Variants in AP3D1 observed in about 807,000 individuals in gnomAD.
AP3D1 encodes AP-3 complex subunit delta-1.
AP3D1 carries 51 observed loss-of-function variants against 147.6 expected under a neutral mutation model. The observed-to-expected ratio is 0.35, with a 90% confidence interval of 0.28 to 0.44. The LOEUF is 0.44. Among genes scored for constraint, AP3D1 ranks in the 20% least tolerant of loss-of-function variants. The pLI is 1.00. For synonymous variants in AP3D1, 760 were observed against 663.0 expected (o/e 1.15, Z -2.25); for missense variants, 1,421 against 1,624.2 (o/e 0.87, Z 2.15).
At chr19:2,145,670 G>T (rs557890997) in intron 1 of AP3D1, among the ~76,000 whole-genome samples, 1 of 152,182 alleles carries the variant, frequency 6.6e-6, no homozygotes, top group East Asian at 1.9e-4. Context: ...ACGCAAGTGA[G>T]CATCACCCAG....
In AP3D1 at chr19:2,150,616, G is replaced by T. The variant is rs560708755; in HGVS notation, c.96+623C>A. 8.5e-5 allele frequency among the ~76,000 whole-genome samples: 13 copies of T among 152,266 alleles called. No homozygotes were observed. In the East Asian group the frequency reaches 1.4e-3, roughly 16 times the overall value. On this transcript the variant is annotated intron_variant, in intron 1 of 31. Transcript: ENST00000643116. ...CAGCCCCACCTTCCTGGGAACGGGG[G>T]CACTGGAGGCAACGCCCCAAGACCC...
intron 1 of AP3D1, among the ~76,000 whole-genome samples, chr19:2,140,962 T>C (rs2019205076): frequency 6.6e-6 from 1 of 151,976 alleles, no homozygotes; most frequent in South Asian, 2.1e-4. Flanking sequence ...TTTCGCCACG[T>C]TGGCCAGGCT....
rs1459968813 is a variant in AP3D1 at position 2,129,121 on chromosome 19, G to A, written c.775C>T (p.Leu259=). Residue 259 remains leucine, a synonymous_variant, in exon 8 of 32, where the codon CTG becomes TTG. Coordinates refer to ENST00000643116, the MANE Select transcript of AP3D1 (RefSeq NM_001261826.3). ...ATGAGATTGGTGAGGGGCTCGATCAGCTTCTTGCCCAGCCGCGGTTCCAAA... is the reference window on the plus strand; with the variant it reads ...ATGAGATTGGTGAGGGGCTCGATCAACTTCTTGCCCAGCCGCGGTTCCAAA... ...TPLEPRLGKK[L]IEPLTNLIHS... The A allele has an allele frequency of 6.3e-7, 1 of 1,596,006 alleles. No individual in the cohort carries two copies. The highest frequency in any genetic ancestry group is 8.5e-7 in the Non-Finnish European group (1 of 1,172,472).
At chr19:2,129,938 C>T (rs1014797409) in intron 6 of AP3D1, among the ~76,000 whole-genome samples, 13 of 152,192 alleles carry the variant, frequency 8.5e-5, no homozygotes, top group African/African-American at 2.2e-4. Flanking sequence ...TGGGGTCCAC[C>T]GACCCACGCC....
chr19:2,138,502 G>A lies in AP3D1; in HGVS notation c.192+117C>T, dbSNP rs79557571. On this transcript the variant is annotated intron_variant, in intron 2 of 31. Coordinates refer to ENST00000643116, the MANE Select transcript of AP3D1 (RefSeq NM_001261826.3). ...CTGGGTTGGCCCTGAGTGGCTCACC[G>A]ACAGCAGGTGGTACCAATGACTGAC... 0.049 allele frequency: 39,996 copies of A among 817,830 alleles called. 1,383 individuals carry two copies. The highest frequency in any genetic ancestry group is 0.13 in the East Asian group (5,116 of 39,950). The allele number at this position is 817,830 out of a possible 1,614,324, so 50.7% of individuals were successfully genotyped here.
At chr19:2,103,980 G>C (rs1442071925) in intron 31 of AP3D1, among the ~76,000 whole-genome samples, 1 of 151,486 alleles carries the variant, frequency 6.6e-6, no homozygotes, top group East Asian at 1.9e-4. Flanking sequence ...CAAACACCAA[G>C]ACACTAACAC....
At chr19:2,115,051 G>C (rs906055904) in intron 20 of AP3D1, among the ~76,000 whole-genome samples, 168 bp downstream of exon 20, 3 of 152,178 alleles carry the variant, frequency 2.0e-5, no homozygotes, top group African/African-American at 7.2e-5. Context: ...GCGGTGCGTC[G>C]GGACGCGTGC....
chr19:2,122,494 G>A (rs1177347153), intron 11 of AP3D1, among the ~76,000 whole-genome samples: 1 of 152,242 alleles, frequency 6.6e-6, no homozygotes, highest in Non-Finnish European at 1.5e-5. Flanking sequence ...TACCCGTGGG[G>A]GATGGGCCCA....
intron 1 of AP3D1, among the ~76,000 whole-genome samples, chr19:2,149,581 C>T (rs1291256993): frequency 6.6e-6 from 1 of 151,966 alleles, no homozygotes; most frequent in African/African-American, 2.4e-5. Context: ...CCAAGACCCC[C>T]TTGAAGGGGC....
chr19:2,110,523 C>T (rs1022081994), intron 27 of AP3D1, among the ~76,000 whole-genome samples, 184 bp downstream of exon 27: 1 of 152,104 alleles, frequency 6.6e-6, no homozygotes. Flanking sequence ...CAGGTCCATC[C>T]GAGGCCATTG....
In AP3D1 at chr19:2,117,133, C is replaced by G. The variant is rs73512355; in HGVS notation, c.1859+89G>C. On this transcript the variant is annotated intron_variant, in intron 16 of 31. Coordinates refer to ENST00000643116, the MANE Select transcript of AP3D1 (RefSeq NM_001261826.3). ...TCAGCCCCACACCCTCCTGGCTGTT[C>G]AGGGGTGCAGGAGCCCCCGCTGTGC... The G allele has an allele frequency of 1.5e-5, 22 of 1,466,518 alleles. No homozygotes were observed. In the East Asian group the frequency reaches 4.7e-4, roughly 31 times the overall value. 90.8% of individuals were successfully genotyped at this position (1,466,518 alleles called of 1,614,324 possible). A position where few individuals can be genotyped will look rare whatever the true frequency, so the allele number is the denominator to read the frequency against.
In AP3D1 at chr19:2,118,719, G is replaced by A. The variant is rs1487435848; in HGVS notation, c.1595C>T (p.Ser532Phe). The A allele has an allele frequency of 6.2e-7, 1 of 1,613,650 alleles. No individual in the cohort carries two copies. The highest frequency in any genetic ancestry group is 8.5e-7 in the Non-Finnish European group (1 of 1,180,016). Residue 532 changes from serine (S) to phenylalanine (F), a missense_variant, in exon 15 of 32, where the codon TCC (serine) becomes TTC (phenylalanine). Coordinates refer to ENST00000643116, the MANE Select transcript of AP3D1 (RefSeq NM_001261826.3). Reference protein sequence around the residue: ...YVQNVVKLYASILQQKEQAGE... With the variant: ...YVQNVVKLYAFILQQKEQAGE... The stretch of plus-strand genomic sequence containing the variant: ...GGCCTGCTCCTTCTGCTGCAGGATG[G>A]AGGCGTAGAGCTTGACCACGTTCTG...
At position 2,121,849 on chromosome 19, in the gene AP3D1, T is replaced by C. The variant is rs1189710744; in HGVS notation, c.986A>G (p.Lys329Arg). Residue 329 changes from lysine (K) to arginine (R), a missense_variant, in exon 12 of 32, where the codon AAG becomes AGG. Lys to Arg is a conservative substitution (Grantham distance 26). This residue lies in a region of AP3D1 where 310 missense variants were observed against 388.1 expected (regional missense o/e 0.80). Transcript: ENST00000643116. ...LKYLGLLAMS[K>R]ILKTHPKSVQ... is the part of the protein sequence containing the mutation. ...GGACTTGGGGTGGGTCTTCAGGATC[T>C]TGGACATTGCCAGCAGCCCCAGGTA... 3.1e-6 allele frequency: 5 copies of C among 1,609,578 alleles called. No homozygotes were observed. The highest frequency in any genetic ancestry group is 2.7e-5 in the African/African-American group (2 of 74,724).
At chr19:2,145,578 C>CTGTGG (rs2019334532) in intron 1 of AP3D1, among the ~76,000 whole-genome samples, 1 of 152,338 alleles carries the variant, frequency 6.6e-6, no homozygotes, top group South Asian at 2.1e-4. Context: ...CTGATGTCCA[C>CTGTGG]AGTGCCACGG....
Position 2,116,194 on chromosome 19 carries a change from G to T in AP3D1, c.2073+13C>A, listed in dbSNP as rs760684867. 20 of 1,613,822 alleles carry T rather than the reference G, an allele frequency of 1.2e-5. No homozygotes were observed. The highest frequency in any genetic ancestry group is 7.7e-5 in the South Asian group (7 of 91,086). ...AGGGTGCTGAGGGACAGGCACCCGG[G>T]GACGGGCCTCACCTTCTGTGGCGAT... is the stretch of plus-strand genomic sequence containing the variant. On this transcript the variant is annotated intron_variant, in intron 18 of 31. Transcript: ENST00000643116.
intron 5 of AP3D1, among the ~76,000 whole-genome samples, chr19:2,131,691 C>T (rs1326164014): frequency 1.3e-5 from 1 of 74,778 alleles, no homozygotes; most frequent in Non-Finnish European, 3.1e-5. Flanking sequence ...CCATCGGCCA[C>T]GATCTAGACA....
chr19:2,122,513 G>A (rs1010512331), intron 11 of AP3D1, among the ~76,000 whole-genome samples: 1 of 152,244 alleles, frequency 6.6e-6, no homozygotes, highest in African/African-American at 2.4e-5. Context: ...CATGACCCCA[G>A]TGGAAGGCTG....
intron 1 of AP3D1, among the ~76,000 whole-genome samples, chr19:2,161,155 G>GTTTTT (rs58654241): frequency 1.6e-5 from 2 of 125,378 alleles, no homozygotes; most frequent in African/African-American, 2.9e-5. Flanking sequence ...GCTTCTCCTA[G>GTTTTT]TTTTTTTTTT....
At chr19:2,155,638 A>G (rs1195479534), upstream of AP3D1, among the ~76,000 whole-genome samples, 1 of 151,300 alleles carries the variant, frequency 6.6e-6, no homozygotes, top group East Asian at 1.9e-4. Context: ...TCTACCTAGC[A>G]TTTTGTTTAT....
Sources: allele counts gnomAD v4.1 joint callset (sites outside exome capture counted in the v4.1 genomes callset), GRCh38; gene constraint gnomAD v4.1.1; regional missense constraint gnomAD v4.1.1; transcripts MANE v1.5; gene names NCBI Gene and HGNC (gene_info 2026-07-23, HGNC 2026-07-21).